The following DIAPH2 variants were observed in gnomAD, a reference collection of about 807,000 sequenced individuals.
DIAPH2 encodes the protein protein diaphanous homolog 2.
Under a neutral mutation model 92.7 loss-of-function variants are expected in DIAPH2, and 35 were observed. The observed-to-expected ratio is 0.38, with a 90% CI of 0.29 to 0.50. The LOEUF is 0.50. Ranked by LOEUF, DIAPH2 falls within the 20% of genes least tolerant of loss-of-function variation. DIAPH2 has a pLI of 0.94. For synonymous variants in DIAPH2, 301 were observed against 280.4 expected (o/e 1.07, Z -0.73); for missense variants, 701 against 819.5 (o/e 0.86, Z 1.77).
intron 26 of DIAPH2, among the ~76,000 whole-genome samples, chrX:97,567,140 T>A (rs887370971): frequency 3.6e-5 from 4 of 112,293 alleles, no homozygotes; most frequent in Non-Finnish European, 7.5e-5. Flanking sequence ...TGCAACATTA[T>A]CTATAAATCA....
chrX:97,176,186 C>G (rs973505438), intron 22 of DIAPH2, among the ~76,000 whole-genome samples: 1 of 112,178 alleles, frequency 8.9e-6, no homozygotes, highest in African/African-American at 3.2e-5. Flanking sequence ...CTCTTACTCT[C>G]AAAACATTGT....
At chrX:97,136,104 GTA>G (rs1330639357) in intron 21 of DIAPH2, among the ~76,000 whole-genome samples, 2 of 112,303 alleles carry the variant, frequency 1.8e-5, no homozygotes, top group African/African-American at 6.5e-5. Context: ...AGAAAACTCT[GTA>G]CTTGTGTCCA....
intron 20 of DIAPH2, among the ~76,000 whole-genome samples, chrX:97,113,722 G>A (rs2066998624): frequency 8.9e-6 from 1 of 112,177 alleles, no homozygotes; most frequent in Non-Finnish European, 1.9e-5. Flanking sequence ...TGTTTATGTC[G>A]TCAAATTCTC....
chrX:97,047,542 CTTTTTTTTTT>C (rs5903064), intron 17 of DIAPH2, among the ~76,000 whole-genome samples: 1 of 30,101 alleles, frequency 3.3e-5, no homozygotes, highest in Non-Finnish European at 5.5e-5. Flanking sequence ...ATAAAATAGG[CTTTTTTTTTT>C]TTTTTTTTTT....
chrX:96,989,182 A>G (rs1393717160), intron 17 of DIAPH2, among the ~76,000 whole-genome samples: 1 of 111,899 alleles, frequency 8.9e-6, no homozygotes, highest in Admixed American at 9.5e-5. Flanking sequence ...TTTAGCATTT[A>G]TTAATTATTG....
At position 96,918,494 on chromosome X, in the gene DIAPH2, C is replaced by CT. The variant is rs778759361; in HGVS notation, c.870-9dup. On this transcript the variant is annotated splice_polypyrimidine_tract_variant and intron_variant, in intron 8 of 26. Coordinates refer to ENST00000324765, the MANE Select transcript of DIAPH2 (RefSeq NM_006729.5). ...GAAGTATTTCTCATTTCTGTTTCTT[C>CT]TTTTTTCTCTACAGTCTAGATAAAC... 208 of 1,101,070 alleles carry CT rather than the reference C, an allele frequency of 1.9e-4. No individual in the cohort carries two copies. Among genetic ancestry groups the CT allele is most frequent in the Non-Finnish European group, 2.5e-4 (199 of 811,450 alleles). The allele number at this position is 1,101,070 out of a possible 1,213,427, so 90.7% of individuals were successfully genotyped here. A position where few individuals can be genotyped will look rare whatever the true frequency, so the allele number is the denominator to read the frequency against.
intron 22 of DIAPH2, among the ~76,000 whole-genome samples, chrX:97,170,025 A>T (rs1462119888): frequency 8.9e-6 from 1 of 111,938 alleles, no homozygotes; most frequent in Non-Finnish European, 1.9e-5. Context: ...CAAAGTTGTC[A>T]TTTAGAGAGA....
intron 4 of DIAPH2, chrX:96,763,169 G>A (rs1286761036): frequency 1.1e-6 from 1 of 878,300 alleles, no homozygotes; most frequent in African/African-American, 2.1e-5. Flanking sequence ...TTGTGGTTTT[G>A]TAAATTGTGA....
At chrX:97,269,696 A>T (rs2068369014) in intron 23 of DIAPH2, among the ~76,000 whole-genome samples, 1 of 111,285 alleles carries the variant, frequency 9.0e-6, no homozygotes, top group African/African-American at 3.3e-5. Context: ...CCAAAAATAA[A>T]TGAATGAATG....
chrX:96,714,762 T>A (rs2063939769), intron 1 of DIAPH2, among the ~76,000 whole-genome samples: 1 of 112,227 alleles, frequency 8.9e-6, no homozygotes, highest in Admixed American at 9.5e-5. Context: ...GTATCAATGT[T>A]CTTTTTTTCC....
At chrX:97,375,783 A>C (rs2069494658) in intron 24 of DIAPH2, among the ~76,000 whole-genome samples, 1 of 110,971 alleles carries the variant, frequency 9.0e-6, no homozygotes, top group African/African-American at 3.3e-5. Context: ...ATAAGCAAAA[A>C]GTTTCCACCT....
At chrX:97,055,368 G>A (rs1488595638) in intron 17 of DIAPH2, among the ~76,000 whole-genome samples, 1 of 111,366 alleles carries the variant, frequency 9.0e-6, no homozygotes, top group East Asian at 2.8e-4. Flanking sequence ...CAGGTAGAGG[G>A]CAGGCTTAGG....
chrX:97,093,052 G>A (rs1289929512), intron 19 of DIAPH2, among the ~76,000 whole-genome samples: 1 of 109,120 alleles, frequency 9.2e-6, no homozygotes, highest in Non-Finnish European at 1.9e-5. Flanking sequence ...GCCAGGCCTG[G>A]TGGCATAAGC....
chrX:97,318,571 C>T (rs1347872488), intron 23 of DIAPH2, among the ~76,000 whole-genome samples: 1 of 93,547 alleles, frequency 1.1e-5, no homozygotes, highest in East Asian at 3.5e-4. Context: ...CGGCTCACTG[C>T]AATCTCTGCC....
chrX:97,508,819 G>T (rs2070856103), intron 26 of DIAPH2, among the ~76,000 whole-genome samples: 1 of 110,683 alleles, frequency 9.0e-6, no homozygotes, highest in Admixed American at 9.7e-5. Flanking sequence ...ATTTGGCGCA[G>T]GACTTCTTTT....
At chrX:97,446,129 A>G (rs2070308328) in intron 26 of DIAPH2, among the ~76,000 whole-genome samples, 1 of 111,672 alleles carries the variant, frequency 9.0e-6, no homozygotes, top group Admixed American at 9.5e-5. Context: ...TAAGGCATCA[A>G]GTAGATAATT....
At chrX:96,963,599 G>T (rs1163654057) in intron 16 of DIAPH2, among the ~76,000 whole-genome samples, 5 of 111,425 alleles carry the variant, frequency 4.5e-5, no homozygotes, top group Admixed American at 2.8e-4. Flanking sequence ...GACCACTGGG[G>T]ATATGTTATT....
At chrX:97,164,802 A>G (rs1217613492) in intron 22 of DIAPH2, among the ~76,000 whole-genome samples, 2 of 112,463 alleles carry the variant, frequency 1.8e-5, no homozygotes, top group South Asian at 3.7e-4. Flanking sequence ...TTAGGATTTT[A>G]TACAATGAAT....
chrX:97,218,804 A>G (rs758080490), intron 22 of DIAPH2, among the ~76,000 whole-genome samples: 1 of 112,076 alleles, frequency 8.9e-6, no homozygotes, highest in Admixed American at 9.5e-5. Context: ...TGTAAATGCC[A>G]TGTAAATAGT....
Sources: allele counts gnomAD v4.1 joint callset (sites outside exome capture counted in the v4.1 genomes callset), GRCh38; gene constraint gnomAD v4.1.1; transcripts MANE v1.5; gene names NCBI Gene and HGNC (gene_info 2026-07-23, HGNC 2026-07-21).